PIP4K2A: variants seen among roughly 807,000 people sequenced by gnomAD.
The protein encoded by PIP4K2A is phosphatidylinositol 5-phosphate 4-kinase type-2 alpha.
Under a neutral mutation model 42.9 loss-of-function variants are expected in PIP4K2A, and 14 were observed. The observed-to-expected ratio is 0.33, with a 90% CI of 0.22 to 0.51. The LOEUF is 0.51. Ranked by LOEUF, PIP4K2A falls within the 20% of genes least tolerant of loss-of-function variation. The pLI is 0.97. For missense variants in PIP4K2A, 434 were observed against 519.8 expected (o/e 0.83, Z 1.61); for synonymous variants, 192 against 192.2 (o/e 1.00, Z 0.01).
rs1360988045 is a variant in PIP4K2A at position 22,550,578 on chromosome 10, T to C, written c.792+81A>G. ...TTTTTGCCTTGATTGAAGATTTAAA[T>C]AGATGGTTTAAAAAGCTCCTAAAAC... On this transcript the variant is annotated intron_variant, in intron 7 of 9. Coordinates refer to ENST00000376573, the MANE Select transcript of PIP4K2A (RefSeq NM_005028.5). The C allele has an allele frequency of 8.6e-6, 7 of 811,592 alleles. 1 individual carries two copies. The highest frequency in any genetic ancestry group is 1.4e-5 in the South Asian group (1 of 70,210). 50.3% of individuals were successfully genotyped at this position (811,592 alleles called of 1,614,324 possible).
chr10:22,609,805 T>C, intron 1 of PIP4K2A, 88 bp from the exon 2 acceptor site: 1 of 742,980 alleles, frequency 1.3e-6, no homozygotes, highest in Middle Eastern at 3.3e-4. Context: ...AAAAAAAACA[T>C]GGTGGACACA....
intron 1 of PIP4K2A, among the ~76,000 whole-genome samples, chr10:22,666,266 T>C (rs1171508): frequency 0.028 from 4,256 of 152,290 alleles, 78 homozygotes; most frequent in Non-Finnish European, 0.039. Context: ...ATCTGAGAAA[T>C]GTTGAGAGCT....
At chr10:22,626,825 CA>C (rs1275040393) in intron 1 of PIP4K2A, among the ~76,000 whole-genome samples, 2 of 152,112 alleles carry the variant, frequency 1.3e-5, no homozygotes, top group Non-Finnish European at 2.9e-5. Context: ...TTACAAATAA[CA>C]AAAATAACAA....
intron 1 of PIP4K2A, among the ~76,000 whole-genome samples, chr10:22,632,585 A>C (rs190991845): frequency 5.3e-5 from 8 of 152,260 alleles, no homozygotes; most frequent in Admixed American, 5.2e-4. Flanking sequence ...TGGGATAAGC[A>C]ATGTCATCTG....
chr10:22,627,630 A>AAAAAAAAAAAAG (rs1346625282), intron 1 of PIP4K2A, among the ~76,000 whole-genome samples: 4 of 118,136 alleles, frequency 3.4e-5, no homozygotes, highest in Non-Finnish European at 7.2e-5. Context: ...AAAAAAAAAA[A>AAAAAAAAAAAAG]AGATAAGGAA....
chr10:22,629,220 T>G (rs1838503276), intron 1 of PIP4K2A, among the ~76,000 whole-genome samples: 1 of 152,200 alleles, frequency 6.6e-6, no homozygotes, highest in South Asian at 2.1e-4. Flanking sequence ...AAACATACAC[T>G]ATTGAAACCT....
chr10:22,673,694 T>C (rs747511536), intron 1 of PIP4K2A, among the ~76,000 whole-genome samples: 5 of 152,146 alleles, frequency 3.3e-5, no homozygotes, highest in Non-Finnish European at 7.3e-5. Context: ...TGTGGACTAT[T>C]ACATAATAGG....
At chr10:22,563,923 C>T (rs1476180485) in intron 6 of PIP4K2A, among the ~76,000 whole-genome samples, 1 of 152,028 alleles carries the variant, frequency 6.6e-6, no homozygotes, top group Non-Finnish European at 1.5e-5. Context: ...TAAGCCTACC[C>T]CCTAGGGAGA....
At position 22,537,403 on chromosome 10, in the gene PIP4K2A, T is replaced by C. The variant is rs886950822; in HGVS notation, c.1141-122A>G. The C allele has an allele frequency of 2.2e-5, 16 of 712,750 alleles. No homozygotes were observed. In the South Asian group the frequency reaches 2.8e-4, roughly 13 times the overall value. The allele number at this position is 712,750 out of a possible 1,614,324, so 44.2% of individuals were successfully genotyped here. A position where few individuals can be genotyped will look rare whatever the true frequency, so the allele number is the denominator to read the frequency against. On this transcript the variant is annotated intron_variant, in intron 9 of 9. Transcript: ENST00000376573. ...ATACAGCAAGCAATTTTCAAATCCA[T>C]GCAGTCTCTGCTCTGAAAAACATCA...
rs567328857 is a variant in PIP4K2A, at chr10:22,559,843, G to A, written c.678+8008C>T. Among the ~76,000 whole-genome samples, 3 of 152,304 alleles carry A rather than the reference G, an allele frequency of 2.0e-5. No individual in the cohort carries two copies. The South Asian group carries it at 6.2e-4, about 32-fold the overall frequency. ...TACAGCATGAGGAGCAATGACGCAA[G>A]CAAATCCTTTAATTTTACAAACGAG... On this transcript the variant is annotated intron_variant, in intron 6 of 9. Transcript: ENST00000376573.
chr10:22,714,387 C>A lies in PIP4K2A; in HGVS notation c.-61G>T. 1 of 1,232,714 alleles carries A rather than the reference C, an allele frequency of 8.1e-7. No homozygotes were observed. The allele number at this position is 1,232,714 out of a possible 1,614,324, so 76.4% of individuals were successfully genotyped here. A position where few individuals can be genotyped will look rare whatever the true frequency, so the allele number is the denominator to read the frequency against. On this transcript the variant is annotated 5_prime_UTR_variant, in exon 1 of 10. Coordinates refer to ENST00000376573, the MANE Select transcript of PIP4K2A (RefSeq NM_005028.5). ...CGAGGCCGGGGACCCGCCCTCTCTACACCCCGGCCCGGGGAGGCAGCCGCA... is the reference window on the plus strand; with the variant it reads ...CGAGGCCGGGGACCCGCCCTCTCTAAACCCCGGCCCGGGGAGGCAGCCGCA...
At chr10:22,676,463 A>G (rs1365242599) in intron 1 of PIP4K2A, among the ~76,000 whole-genome samples, 1 of 152,096 alleles carries the variant, frequency 6.6e-6, no homozygotes, top group Non-Finnish European at 1.5e-5. Context: ...AGAAAATAGC[A>G]TTTAATGTAG....
intron 1 of PIP4K2A, among the ~76,000 whole-genome samples, chr10:22,668,310 T>C (rs1035417837): frequency 6.6e-6 from 1 of 152,186 alleles, no homozygotes; most frequent in South Asian, 2.1e-4. Context: ...TAAAAGATTC[T>C]CTCAACGTTT....
chr10:22,556,088 T>C (rs993424663), intron 6 of PIP4K2A, among the ~76,000 whole-genome samples: 2 of 152,232 alleles, frequency 1.3e-5, no homozygotes, highest in Non-Finnish European at 2.9e-5. Flanking sequence ...ACATGAATTC[T>C]CTACATACTG....
intron 1 of PIP4K2A, among the ~76,000 whole-genome samples, chr10:22,665,910 G>A (rs981929727): frequency 2.0e-5 from 3 of 151,762 alleles, no homozygotes; most frequent in African/African-American, 7.3e-5. Flanking sequence ...AGTTCTATGG[G>A]ATAGATTATC....
intron 4 of PIP4K2A, among the ~76,000 whole-genome samples, chr10:22,580,329 A>C (rs953555540): frequency 3.9e-5 from 6 of 151,996 alleles, no homozygotes; most frequent in African/African-American, 1.5e-4. Flanking sequence ...AAATTAACAA[A>C]ATAACTTGTA....
Position 22,687,854 on chromosome 10 carries a change from C to T in PIP4K2A, c.144+26329G>A, listed in dbSNP as rs374152664. On this transcript the variant is annotated intron_variant, in intron 1 of 9. Coordinates refer to ENST00000376573, the MANE Select transcript of PIP4K2A (RefSeq NM_005028.5). ...TGTTTTTCTCCCAAGTATTTTCGAT[C>T]TGTGGTTGGTGGGATCTGCAAATGC... 8.5e-5 allele frequency among the ~76,000 whole-genome samples: 13 copies of T among 152,248 alleles called. 1 individual carries two copies. Among genetic ancestry groups the T allele is most frequent in the Admixed American group, 5.9e-4 (9 of 15,292 alleles).
At chr10:22,544,741 G>A (rs1014938388) in intron 7 of PIP4K2A, among the ~76,000 whole-genome samples, 2 of 152,198 alleles carry the variant, frequency 1.3e-5, no homozygotes, top group Non-Finnish European at 2.9e-5. Context: ...GTTTCTCACA[G>A]GGCACAAACA....
chr10:22,664,131 A>G (rs1237643872), intron 1 of PIP4K2A, among the ~76,000 whole-genome samples: 699 of 52,362 alleles, frequency 0.013, 42 homozygotes, highest in African/African-American at 0.098. Flanking sequence ...ATATATATAC[A>G]TATATATATA....
Sources: gnomAD v4.1 joint callset for allele counts (sites outside exome capture counted in the v4.1 genomes callset) on GRCh38, gnomAD v4.1.1 for gene constraint, MANE v1.5 for transcripts, NCBI Gene and HGNC (gene_info 2026-07-23, HGNC 2026-07-21) for gene names.